Variants in CENPE observed in about 807,000 individuals in gnomAD.
The protein encoded by CENPE is centromere protein E.
A neutral mutation model predicts 336.1 loss-of-function variants in CENPE; 145 were observed. The observed-to-expected ratio is 0.43, with a 90% CI of 0.38 to 0.50. The LOEUF is 0.50. Among genes scored for constraint, CENPE ranks in the 20% least tolerant of loss-of-function variants. The pLI is 0.00. For synonymous variants in CENPE, 1,013 were observed against 984.8 expected (o/e 1.03, Z -0.54); for missense variants, 2,719 against 3,023.3 (o/e 0.90, Z 2.36).
At chr4:103,137,265 C>T (rs1752148360) in intron 39 of CENPE, among the ~76,000 whole-genome samples, 2 of 152,036 alleles carry the variant, frequency 1.3e-5, no homozygotes, top group African/African-American at 4.8e-5. Context: ...CAGTATGGTA[C>T]CTGGCATACA....
intron 18 of CENPE, among the ~76,000 whole-genome samples, chr4:103,161,982 G>A (rs2125978474): frequency 6.6e-6 from 1 of 152,126 alleles, no homozygotes; most frequent in Non-Finnish European, 1.5e-5. Flanking sequence ...ATTTTAATAT[G>A]ACTTTAGCTT....
chr4:103,182,963 G>T, intron 10 of CENPE, 72 bp from the exon 11 acceptor site: 2 of 1,441,560 alleles, frequency 1.4e-6, no homozygotes, highest in Non-Finnish European at 9.5e-7. Flanking sequence ...GGTTTTTAAT[G>T]CAGAACTCTT....
intron 18 of CENPE, 35 bp from the exon 19 acceptor site, chr4:103,161,492 A>G (rs770425830): frequency 6.6e-7 from 1 of 1,524,862 alleles, no homozygotes; most frequent in Admixed American, 2.3e-5. Flanking sequence ...ACTGAAATCT[A>G]ATTTTCACAG....
intron 16 of CENPE, among the ~76,000 whole-genome samples, chr4:103,164,968 T>C (rs1754781320): frequency 6.6e-6 from 1 of 152,186 alleles, no homozygotes; most frequent in Admixed American, 6.5e-5. Flanking sequence ...TTCAGGGTAG[T>C]ATGGCCATAG....
At chr4:103,147,303 G>A (rs1035531345) in intron 29 of CENPE, 53 bp downstream of exon 29, 16 of 1,429,790 alleles carry the variant, frequency 1.1e-5, no homozygotes, top group Non-Finnish European at 1.5e-5. Context: ...ACAAACACAA[G>A]CCTTGATTCT....
At chr4:103,150,976 C>T (rs1440547561) in intron 26 of CENPE, among the ~76,000 whole-genome samples, 1 of 152,128 alleles carries the variant, frequency 6.6e-6, no homozygotes, top group African/African-American at 2.4e-5. Flanking sequence ...ATGAATACAT[C>T]ATATGATTTG....
At chr4:103,190,941 T>A (rs1757254780) in intron 8 of CENPE, among the ~76,000 whole-genome samples, 1 of 150,204 alleles carries the variant, frequency 6.7e-6, no homozygotes, top group Non-Finnish European at 1.5e-5. Context: ...CTCAAACAAA[T>A]TTAGAAAAAA....
chr4:103,150,476 G>A (rs1222449594), intron 26 of CENPE, among the ~76,000 whole-genome samples: 1 of 151,928 alleles, frequency 6.6e-6, no homozygotes, highest in Admixed American at 6.6e-5. Flanking sequence ...TCAGCTACTC[G>A]GGAGGCTGAA....
At chr4:103,115,516 C>T (rs933986019) in intron 45 of CENPE, among the ~76,000 whole-genome samples, 33 of 152,150 alleles carry the variant, frequency 2.2e-4, no homozygotes, top group Admixed American at 1.6e-3. Flanking sequence ...CAATAGACTG[C>T]TTAGAGAGCA....
chr4:103,181,242 C>CT, intron 12 of CENPE, 95 bp downstream of exon 12: 1 of 827,270 alleles, frequency 1.2e-6, no homozygotes, highest in Non-Finnish European at 1.7e-6. Flanking sequence ...TGTAGCAACT[C>CT]AGATATTCAG....
chr4:103,179,402 A>C (rs1756148192), intron 13 of CENPE, among the ~76,000 whole-genome samples: 3 of 152,220 alleles, frequency 2.0e-5, no homozygotes, highest in Admixed American at 2.0e-4. Flanking sequence ...CTTAAGTGCA[A>C]GGAATGCATA....
At chr4:103,182,581 A>G (rs1357378253) in intron 11 of CENPE, among the ~76,000 whole-genome samples, 181 bp downstream of exon 11, 1 of 152,204 alleles carries the variant, frequency 6.6e-6, no homozygotes, top group African/African-American at 2.4e-5. Flanking sequence ...AAAATTATGA[A>G]GGTAAGATAC....
chr4:103,162,574 ATTT>A (rs34476047), intron 18 of CENPE, among the ~76,000 whole-genome samples: 28 of 145,952 alleles, frequency 1.9e-4, no homozygotes, highest in Non-Finnish European at 2.1e-4. Flanking sequence ...AATTTTACTG[ATTT>A]TTTTTTTTTT....
Position 103,105,943 on chromosome 4 carries a change from T to A in CENPE, c.*279A>T. The A allele has an allele frequency of 4.4e-6, 1 of 229,526 alleles. No individual in the cohort carries two copies. The highest frequency in any genetic ancestry group is 8.4e-6 in the Non-Finnish European group (1 of 118,786). 14.2% of individuals were successfully genotyped at this position (229,526 alleles called of 1,614,324 possible). The stretch of plus-strand genomic sequence containing the variant: ...GCTAAGTCATGTAGATAACTTTACA[T>A]TTCTTTCAATAACTTTATTCTTTAC... On this transcript the variant is annotated 3_prime_UTR_variant, in exon 49 of 49. Coordinates refer to ENST00000265148, the MANE Select transcript of CENPE (RefSeq NM_001813.3).
chr4:103,113,603 A>T (rs768250800), intron 46 of CENPE, among the ~76,000 whole-genome samples: 16 of 143,820 alleles, frequency 1.1e-4, no homozygotes, highest in Middle Eastern at 3.7e-3. Flanking sequence ...TACTCATGTA[A>T]GTAATAAAGA....
chr4:103,146,184 C>T, intron 29 of CENPE, 77 bp from the exon 30 acceptor site: 2 of 1,351,580 alleles, frequency 1.5e-6, no homozygotes, highest in Non-Finnish European at 1.0e-6. Flanking sequence ...AGGATGCTTT[C>T]TAAAACAATT....
intron 16 of CENPE, among the ~76,000 whole-genome samples, chr4:103,170,906 T>C (rs970884885): frequency 2.0e-5 from 3 of 152,100 alleles, no homozygotes; most frequent in Non-Finnish European, 4.4e-5. Context: ...TCAGCTAAAA[T>C]AGACTTTACA....
chr4:103,181,613 T>C lies in CENPE; in HGVS notation c.964-157A>G, dbSNP rs887441588. 1.4e-5 allele frequency: 7 copies of C among 510,004 alleles called. No individual in the cohort carries two copies. In the Admixed American group the frequency reaches 2.3e-4, roughly 17 times the overall value. 31.6% of individuals were successfully genotyped at this position (510,004 alleles called of 1,614,324 possible). On this transcript the variant is annotated intron_variant, in intron 11 of 48. Coordinates refer to ENST00000265148, the MANE Select transcript of CENPE (RefSeq NM_001813.3). Reference sequence around the variant, plus strand: ...ACAAAGGGAACATTCTATGTCCTTATAACAATGCTCTGTAACTTATCCTGG... The same window carrying C: ...ACAAAGGGAACATTCTATGTCCTTACAACAATGCTCTGTAACTTATCCTGG...
chr4:103,108,896 G>T lies in CENPE; in HGVS notation c.7918C>A (p.Pro2640Thr). 2 of 1,613,894 alleles carry T rather than the reference G, an allele frequency of 1.2e-6. No individual in the cohort carries two copies. Among genetic ancestry groups the T allele is most frequent in the Non-Finnish European group, 8.5e-7 (1 of 1,179,850 alleles). The change falls in exon 48 of 49, where the codon CCA becomes ACA. Residue 2640 changes from proline to threonine, a missense_variant. Coordinates refer to ENST00000265148, the MANE Select transcript of CENPE (RefSeq NM_001813.3). ...NLQDPVPKES[P>T]KSCFFDSRSK... ...CGGCTATCAAAAAAACAAGATTTTG[G>T]TGATTCCTTTGGCACAGGATCTTGT...
Sources: gnomAD v4.1 joint callset for allele counts (sites outside exome capture counted in the v4.1 genomes callset) on GRCh38, gnomAD v4.1.1 for gene constraint, MANE v1.5 for transcripts, NCBI Gene and HGNC (gene_info 2026-07-23, HGNC 2026-07-21) for gene names.